The following CDC42BPB variants were observed in gnomAD, a reference collection of about 807,000 sequenced individuals.
CDC42BPB encodes CDC42 binding protein kinase beta.
CDC42BPB carries 37 observed loss-of-function variants against 214.9 expected under a neutral mutation model. That is an observed-to-expected ratio of 0.17 (90% confidence interval 0.13 to 0.23). The LOEUF (loss-of-function observed/expected upper bound fraction) is 0.23, where lower values mean the gene tolerates loss of function less well. CDC42BPB is among the 10% of genes least tolerant of loss of function. The pLI, the probability that CDC42BPB is intolerant of heterozygous loss-of-function variation, is 1.00. For synonymous variants in CDC42BPB, 931 were observed against 884.0 expected (o/e 1.05, Z -0.94); for missense variants, 1,694 against 2,227.0 (o/e 0.76, Z 4.82).
At chr14:102,939,255 A>C (rs1891780524) in intron 34 of CDC42BPB, among the ~76,000 whole-genome samples, 2 of 152,252 alleles carry the variant, frequency 1.3e-5, no homozygotes, top group African/African-American at 4.8e-5. Context: ...ATACTTCTTA[A>C]GTAAAAAAGA....
intron 24 of CDC42BPB, among the ~76,000 whole-genome samples, chr14:102,951,849 T>C (rs1353835904): frequency 1.3e-5 from 2 of 152,090 alleles, no homozygotes; most frequent in Non-Finnish European, 2.9e-5. Context: ...AGACAAATAA[T>C]TGTGGTTATC....
intron 1 of CDC42BPB, among the ~76,000 whole-genome samples, chr14:103,047,817 C>G (rs747178606): frequency 6.6e-6 from 1 of 151,050 alleles, no homozygotes; most frequent in Non-Finnish European, 1.5e-5. Context: ...GGCAGGAGAA[C>G]TGCTTGAACC....
At chr14:102,983,861 T>C (rs998201881) in intron 6 of CDC42BPB, 105 bp from the exon 7 acceptor site, 8 of 1,480,944 alleles carry the variant, frequency 5.4e-6, no homozygotes, top group African/African-American at 2.8e-5. Flanking sequence ...GAAATAATCA[T>C]AGAATAAAAC....
intron 27 of CDC42BPB, 30 bp from the exon 28 acceptor site, chr14:102,946,714 G>A (rs376782701): frequency 2.5e-6 from 4 of 1,609,758 alleles, no homozygotes; most frequent in Non-Finnish European, 3.4e-6. Flanking sequence ...AGAGAAGAGA[G>A]AAGTCATCAA....
intron 1 of CDC42BPB, among the ~76,000 whole-genome samples, chr14:103,014,591 G>A (rs1886352529): frequency 6.6e-6 from 1 of 152,052 alleles, no homozygotes; most frequent in South Asian, 2.1e-4. Context: ...TTATTAATCT[G>A]ACTAATCCTG....
chr14:102,962,928 GA>G (rs765816777), intron 20 of CDC42BPB, 132 bp downstream of exon 20: 125 of 549,224 alleles, frequency 2.3e-4, no homozygotes, highest in Non-Finnish European at 3.6e-4. Flanking sequence ...TGAAAATGCT[GA>G]TTTTGGAAAA....
rs1893845223 is a variant in CDC42BPB, at chr14:102,978,245, C to T, written c.1141-40G>A. ...ATACAACACAAATGAAATCTACATT[C>T]AAACAAACAGGTAAAAAGAGGAAAG... is the stretch of plus-strand genomic sequence containing the variant. On this transcript the variant is annotated intron_variant, in intron 8 of 36. Coordinates refer to ENST00000361246, the MANE Select transcript of CDC42BPB (RefSeq NM_006035.4). 1.9e-6 allele frequency: 3 copies of T among 1,604,692 alleles called. No individual in the cohort carries two copies. The Admixed American group carries it at 5.0e-5, about 27-fold the overall frequency.
rs965222634 is a variant in CDC42BPB at position 102,944,788 on chromosome 14, TGG to T, written c.3812-303_3812-302del. 56 of 500,500 alleles carry T rather than the reference TGG, an allele frequency of 1.1e-4. No homozygotes were observed. The Admixed American group carries it at 1.5e-3, about 13-fold the overall frequency. 31.0% of individuals were successfully genotyped at this position (500,500 alleles called of 1,614,324 possible). A position where few individuals can be genotyped will look rare whatever the true frequency, so the allele number is the denominator to read the frequency against. On this transcript the variant is annotated intron_variant, in intron 29 of 36. Coordinates refer to ENST00000361246, the MANE Select transcript of CDC42BPB (RefSeq NM_006035.4). This position sits in a 1 kb window ranked among gnomAD's most constrained non-coding sequence, Gnocchi z 6.6. ...CCCCTCAGTGCACCAGGGCTCCAGC[TGG>T]GCAGCGCTTCCACCTGGGTCCTCGC...
rs1353518373 is a variant in CDC42BPB at position 102,944,168 on chromosome 14, C to T, written c.4131G>A (p.Gln1377=). 1 of 1,613,260 alleles carries T rather than the reference C, an allele frequency of 6.2e-7. No individual in the cohort carries two copies. The highest frequency in any genetic ancestry group is 2.2e-5 in the East Asian group (1 of 44,878). The change falls in exon 30 of 37, where the codon CAG becomes CAA. Residue 1377 remains glutamine, a synonymous_variant. Transcript: ENST00000361246. The surrounding 1 kb of genome is among the most constrained non-coding windows in gnomAD (Gnocchi z 6.6). The part of the protein sequence containing the change: ...FNEIVAPGSV[Q]CLAVLRDRLC... ...GCCTGTCCCTGAGCACCGCCAGGCACTGCACGCTGCCGGGAGCCACAATCT... is the reference window on the plus strand; with the variant it reads ...GCCTGTCCCTGAGCACCGCCAGGCATTGCACGCTGCCGGGAGCCACAATCT...
intron 1 of CDC42BPB, among the ~76,000 whole-genome samples, chr14:103,036,241 C>T (rs756935730): frequency 9.2e-5 from 14 of 151,832 alleles, no homozygotes; most frequent in East Asian, 3.9e-4. Flanking sequence ...CAAGCTCCCC[C>T]TCCTGGGTTC....
intron 1 of CDC42BPB, among the ~76,000 whole-genome samples, chr14:103,040,334 G>A (rs1251245477): frequency 6.6e-5 from 10 of 151,782 alleles, no homozygotes; most frequent in East Asian, 3.9e-4. Flanking sequence ...TAGCCTGGGC[G>A]ACAGAGCAAG....
intron 28 of CDC42BPB, 118 bp downstream of exon 28, chr14:102,946,350 A>G (rs1892175850): frequency 2.0e-5 from 22 of 1,118,940 alleles, no homozygotes; most frequent in Non-Finnish European, 2.8e-5. Context: ...TGCATGGAGA[A>G]ACTGTCTACA....
intron 6 of CDC42BPB, chr14:102,986,266 A>G (rs1894244812): frequency 4.2e-6 from 2 of 471,052 alleles, no homozygotes; most frequent in Non-Finnish European, 7.7e-6. Flanking sequence ...AGGCACACAT[A>G]TTACTTTTGT....
chr14:102,941,664 C>T lies in CDC42BPB; in HGVS notation c.4409-1340G>A, dbSNP rs1038469211. 3 of 511,680 alleles carry T rather than the reference C, an allele frequency of 5.9e-6. No individual in the cohort carries two copies. In the African/African-American group the frequency reaches 6.2e-5, roughly 11 times the overall value. The allele number at this position is 511,680 out of a possible 1,614,324, so 31.7% of individuals were successfully genotyped here. On this transcript the variant is annotated intron_variant, in intron 30 of 36. Transcript: ENST00000361246. ...TGCTGACTCAGTGATAAACAGATGC[C>T]CAGTGAAAAGATTCTAGTGAAACAG... is the stretch of plus-strand genomic sequence containing the variant.
intron 1 of CDC42BPB, among the ~76,000 whole-genome samples, chr14:103,044,366 CTT>C (rs869225876): frequency 3.6e-4 from 46 of 129,018 alleles, no homozygotes; most frequent in African/African-American, 1.1e-3. Flanking sequence ...CAGCCGGCAC[CTT>C]TTTTTTTTTT....
At chr14:102,993,110 G>A (rs963665367) in intron 5 of CDC42BPB, among the ~76,000 whole-genome samples, 20 of 152,248 alleles carry the variant, frequency 1.3e-4, no homozygotes, top group African/African-American at 4.1e-4. Flanking sequence ...GATTACAGGC[G>A]TGAGCCACTG....
chr14:103,013,247 A>T (rs1199279184), intron 1 of CDC42BPB, among the ~76,000 whole-genome samples: 1 of 152,220 alleles, frequency 6.6e-6, no homozygotes, highest in East Asian at 1.9e-4. Context: ...AGGGAACACA[A>T]GACATTCTCC....
Position 103,056,956 on chromosome 14 carries a change from G to C in CDC42BPB, c.175+43C>G, listed in dbSNP as rs890176870. 1.2e-5 allele frequency: 15 copies of C among 1,292,728 alleles called. No individual in the cohort carries two copies. The African/African-American group carries it at 2.2e-4, about 19-fold the overall frequency. 80.1% of individuals were successfully genotyped at this position (1,292,728 alleles called of 1,614,324 possible). On this transcript the variant is annotated intron_variant, in intron 1 of 36. Transcript: ENST00000361246. ...TGGGGATGCGCGGGCTGGGGCGCGG[G>C]GGTCGCAGAGCCGCAGGTCCGGCCC...
chr14:103,042,562 G>A (rs1004200590), intron 1 of CDC42BPB, among the ~76,000 whole-genome samples: 3 of 152,058 alleles, frequency 2.0e-5, no homozygotes, highest in Non-Finnish European at 2.9e-5. Flanking sequence ...TGCCCGCCTC[G>A]GCCTCCCAAA....
Sources: allele counts gnomAD v4.1 joint callset (sites outside exome capture counted in the v4.1 genomes callset), GRCh38; gene constraint gnomAD v4.1.1; non-coding constraint Gnocchi (gnomAD v3.1); transcripts MANE v1.5; gene names NCBI Gene and HGNC (gene_info 2026-07-23, HGNC 2026-07-21).